Variants in MLLT3 observed in about 807,000 individuals in gnomAD.
MLLT3 encodes protein AF-9.
In MLLT3, 4 loss-of-function variants were observed where a neutral mutation model predicts 53.2. The observed-to-expected ratio is 0.08, with a 90% CI of 0.04 to 0.17. The LOEUF is 0.17. Ranked by LOEUF, MLLT3 falls within the 10% of genes least tolerant of loss-of-function variation. The pLI, the probability that MLLT3 is intolerant of heterozygous loss-of-function variation, is 1.00. For synonymous variants in MLLT3, 283 were observed against 230.6 expected (o/e 1.23, Z -2.06); for missense variants, 569 against 684.0 (o/e 0.83, Z 1.87).
At chr9:20,598,504 C>T (rs1335766871) in intron 2 of MLLT3, among the ~76,000 whole-genome samples, 1 of 152,206 alleles carries the variant, frequency 6.6e-6, no homozygotes, top group Non-Finnish European at 1.5e-5. Flanking sequence ...TGTAAGTTCT[C>T]AAAAATGGCT....
intron 4 of MLLT3, among the ~76,000 whole-genome samples, chr9:20,416,950 C>T (rs1822886692): frequency 2.6e-5 from 4 of 152,068 alleles, no homozygotes; most frequent in Non-Finnish European, 4.4e-5. Flanking sequence ...ACATGTAAAA[C>T]AGTGGCTCAG....
In MLLT3 at chr9:20,402,660, AT is replaced by A. The variant is rs539531705; in HGVS notation, c.1125+11060del. Reference sequence around the variant, plus strand: ...GTGTCATTTTCCGTTTTGCCTAGTGATTTTTTTCCCCCCTGAAATACATCAA... The same window carrying A: ...GTGTCATTTTCCGTTTTGCCTAGTGATTTTTTCCCCCCTGAAATACATCAA... On this transcript the variant is annotated intron_variant, in intron 5 of 10. Coordinates refer to ENST00000380338, the MANE Select transcript of MLLT3 (RefSeq NM_004529.4). 1.6e-3 allele frequency among the ~76,000 whole-genome samples: 244 copies of A among 152,038 alleles called. 1 individual carries two copies. Among genetic ancestry groups the A allele is most frequent in the African/African-American group, 2.8e-3 (115 of 41,468 alleles).
At chr9:20,592,920 T>A (rs1195913103) in intron 2 of MLLT3, among the ~76,000 whole-genome samples, 2 of 152,040 alleles carry the variant, frequency 1.3e-5, no homozygotes, top group South Asian at 4.1e-4. Flanking sequence ...TTCTCATCCA[T>A]CCCCACTGAT....
At chr9:20,484,734 T>G (rs1162689958) in intron 2 of MLLT3, among the ~76,000 whole-genome samples, 1 of 151,974 alleles carries the variant, frequency 6.6e-6, no homozygotes, top group Non-Finnish European at 1.5e-5. Context: ...GAACTGCCCT[T>G]CCCCCAAGAC....
At chr9:20,403,468 T>TTAATA (rs1444459503) in intron 5 of MLLT3, among the ~76,000 whole-genome samples, 2 of 152,138 alleles carry the variant, frequency 1.3e-5, no homozygotes, top group Non-Finnish European at 2.9e-5. Flanking sequence ...GGAGGTAAAC[T>TTAATA]ATTAGGCTTA....
chr9:20,497,212 T>A (rs914145573), intron 2 of MLLT3, among the ~76,000 whole-genome samples: 2 of 152,128 alleles, frequency 1.3e-5, no homozygotes, highest in Non-Finnish European at 2.9e-5. Flanking sequence ...TGGCCTGGGG[T>A]CTAAACCCCT....
intron 2 of MLLT3, among the ~76,000 whole-genome samples, chr9:20,461,514 T>C (rs567232456): frequency 2.0e-5 from 3 of 152,196 alleles, no homozygotes; most frequent in African/African-American, 4.8e-5. Context: ...CGAAGAGCTA[T>C]GCTTGGTACA....
intron 2 of MLLT3, among the ~76,000 whole-genome samples, chr9:20,590,225 G>A (rs184361861): frequency 1.3e-5 from 2 of 152,212 alleles, no homozygotes; most frequent in East Asian, 3.9e-4. Context: ...TAACATCCTA[G>A]AAGTCAGGGT....
chr9:20,427,373 G>A (rs1302599139), intron 4 of MLLT3, among the ~76,000 whole-genome samples: 1 of 149,632 alleles, frequency 6.7e-6, no homozygotes, highest in Non-Finnish European at 1.5e-5. Context: ...ACTGAACACA[G>A]CTGAAAAGAA....
intron 2 of MLLT3, among the ~76,000 whole-genome samples, chr9:20,565,968 T>TA (rs1819356568): frequency 3.0e-5 from 1 of 32,792 alleles, no homozygotes; most frequent in Non-Finnish European, 6.1e-5. Context: ...ATATATATAT[T>TA]TATATATATA....
At chr9:20,498,696 C>T (rs1398213172) in intron 2 of MLLT3, among the ~76,000 whole-genome samples, 7 of 152,116 alleles carry the variant, frequency 4.6e-5, no homozygotes, top group African/African-American at 1.7e-4. Flanking sequence ...GGGCCCAAGA[C>T]AATTCTTCTT....
At chr9:20,558,559 G>A (rs1362054331) in intron 2 of MLLT3, among the ~76,000 whole-genome samples, 1 of 152,130 alleles carries the variant, frequency 6.6e-6, no homozygotes, top group Admixed American at 6.6e-5. Flanking sequence ...TGAAGAATAG[G>A]CTCTTATCAA....
intron 4 of MLLT3, among the ~76,000 whole-genome samples, chr9:20,424,551 A>C (rs192294765): frequency 6.6e-6 from 1 of 152,276 alleles, no homozygotes; most frequent in Admixed American, 6.5e-5. Flanking sequence ...AGAATCTTAT[A>C]AGGGCCCCTA....
chr9:20,422,390 C>A (rs1823031574), intron 4 of MLLT3, among the ~76,000 whole-genome samples: 1 of 152,126 alleles, frequency 6.6e-6, no homozygotes, highest in Admixed American at 6.5e-5. Context: ...CTAGACCTGA[C>A]CAGGGAAGAG....
intron 8 of MLLT3, among the ~76,000 whole-genome samples, chr9:20,356,870 A>T (rs762781185): frequency 6.6e-6 from 1 of 152,184 alleles, no homozygotes; most frequent in Admixed American, 6.5e-5. Context: ...CTGAAGTTGC[A>T]GTGGCAGGAA....
chr9:20,441,421 A>C (rs1301070297), intron 4 of MLLT3, among the ~76,000 whole-genome samples: 1 of 152,176 alleles, frequency 6.6e-6, no homozygotes, highest in Non-Finnish European at 1.5e-5. Context: ...TTTGGAATTA[A>C]GGCTCACAAT....
At chr9:20,503,010 C>T (rs895424127) in intron 2 of MLLT3, among the ~76,000 whole-genome samples, 1 of 152,008 alleles carries the variant, frequency 6.6e-6, no homozygotes, top group Non-Finnish European at 1.5e-5. Context: ...GTTGAAAGAC[C>T]TGTACACCAG....
chr9:20,449,649 G>C (rs112292583), intron 3 of MLLT3, among the ~76,000 whole-genome samples: 2 of 152,140 alleles, frequency 1.3e-5, no homozygotes, highest in African/African-American at 4.8e-5. Context: ...TCCGAATATA[G>C]GAATTAACTA....
intron 2 of MLLT3, among the ~76,000 whole-genome samples, chr9:20,583,461 G>A (rs1380506463): frequency 6.6e-6 from 1 of 152,124 alleles, no homozygotes; most frequent in African/African-American, 2.4e-5. Flanking sequence ...CTGTGTGGGG[G>A]CTCCGACCCC....
Sources: gnomAD v4.1 joint callset for allele counts (sites outside exome capture counted in the v4.1 genomes callset) on GRCh38, gnomAD v4.1.1 for gene constraint, MANE v1.5 for transcripts, NCBI Gene and HGNC (gene_info 2026-07-23, HGNC 2026-07-21) for gene names.